The following ATL2 variants were observed in gnomAD, a reference collection of about 807,000 sequenced individuals.
ATL2 encodes the protein atlastin GTPase 2, also known as atlastin-2.
Under a neutral mutation model 73.9 loss-of-function variants are expected in ATL2, and 31 were observed. The observed-to-expected ratio is 0.42, with a 90% CI of 0.32 to 0.57. The LOEUF (loss-of-function observed/expected upper bound fraction) is 0.57, where lower values mean the gene tolerates loss of function less well. ATL2 is among the 20% of genes least tolerant of loss of function. ATL2 has a pLI of 0.14. For missense variants in ATL2, 738 were observed against 702.6 expected (o/e 1.05, Z -0.57); for synonymous variants, 291 against 237.5 (o/e 1.23, Z -2.07).
rs527512167 is a variant in ATL2, at chr2:38,295,773, T to C, written c.*221A>G. 8 of 405,132 alleles carry C rather than the reference T, an allele frequency of 2.0e-5. No individual in the cohort carries two copies. In the East Asian group the frequency reaches 2.4e-4, roughly 12 times the overall value. The allele number at this position is 405,132 out of a possible 1,614,324, so 25.1% of individuals were successfully genotyped here. On this transcript the variant is annotated 3_prime_UTR_variant, in exon 13 of 13. Coordinates refer to ENST00000378954, the MANE Select transcript of ATL2 (RefSeq NM_001135673.4). The stretch of plus-strand genomic sequence containing the variant: ...TTAAACATGGCACAAAGGTGCATGA[T>C]TAACCAATGCTCCTCAGTCCATCTG...
intron 9 of ATL2, among the ~76,000 whole-genome samples, chr2:38,307,984 G>T (rs1410812964): frequency 6.6e-6 from 1 of 151,018 alleles, no homozygotes; most frequent in Non-Finnish European, 1.5e-5. Flanking sequence ...AGAGAAAAGG[G>T]AATCTTCGTA....
chr2:38,370,826 A>C (rs1671646747), intron 1 of ATL2, among the ~76,000 whole-genome samples: 1 of 151,588 alleles, frequency 6.6e-6, no homozygotes, highest in African/African-American at 2.4e-5. Flanking sequence ...GGGTAGTGCA[A>C]GCCTGTAGAC....
intron 6 of ATL2, among the ~76,000 whole-genome samples, chr2:38,314,368 T>C (rs762768897): frequency 6.6e-6 from 1 of 152,186 alleles, no homozygotes; most frequent in Non-Finnish European, 1.5e-5. Context: ...AAGAGAAACA[T>C]TACTCCCCTT....
intron 2 of ATL2, among the ~76,000 whole-genome samples, chr2:38,335,763 C>T (rs776056923): frequency 5.3e-5 from 8 of 152,088 alleles, no homozygotes; most frequent in Non-Finnish European, 7.4e-5. Flanking sequence ...AATAATAGGC[C>T]GGGCGCGGTG....
chr2:38,366,975 CCAAA>C (rs911587546), intron 1 of ATL2, among the ~76,000 whole-genome samples: 2 of 152,066 alleles, frequency 1.3e-5, no homozygotes, highest in African/African-American at 4.8e-5. Context: ...TTAGTACATG[CCAAA>C]CACTTTAAGA....
intron 1 of ATL2, among the ~76,000 whole-genome samples, chr2:38,355,289 G>A (rs1260187621): frequency 6.6e-6 from 1 of 152,062 alleles, no homozygotes. Context: ...ACCATGCCCA[G>A]CTAACTTCTG....
chr2:38,341,661 T>C (rs532794044), intron 2 of ATL2, among the ~76,000 whole-genome samples: 2 of 152,244 alleles, frequency 1.3e-5, no homozygotes, highest in South Asian at 2.1e-4. Flanking sequence ...TCTCAATCAA[T>C]GAGACAAACT....
chr2:38,345,043 C>T (rs1669942452), intron 1 of ATL2, among the ~76,000 whole-genome samples: 1 of 152,134 alleles, frequency 6.6e-6, no homozygotes. Flanking sequence ...AAAAAAAACA[C>T]CTAGCTTCAG....
intron 1 of ATL2, among the ~76,000 whole-genome samples, chr2:38,356,027 T>C (rs531749948): frequency 2.2e-3 from 336 of 151,432 alleles, no homozygotes; most frequent in African/African-American, 7.9e-3. Context: ...CTCTAAGTAA[T>C]CAATATAATA....
chr2:38,296,186 A>G, intron 12 of ATL2, 73 bp from the exon 13 acceptor site: 1 of 1,461,290 alleles, frequency 6.8e-7, no homozygotes, highest in Non-Finnish European at 9.1e-7. Context: ...AAATAGATAT[A>G]AAAATTCAAT....
At chr2:38,347,833 C>A (rs538598470) in intron 1 of ATL2, among the ~76,000 whole-genome samples, 7 of 143,798 alleles carry the variant, frequency 4.9e-5, no homozygotes, top group African/African-American at 1.6e-4. Flanking sequence ...GTGGTGAGAT[C>A]TCGACTCACT....
chr2:38,361,214 C>A (rs568518132), intron 1 of ATL2, among the ~76,000 whole-genome samples: 3 of 151,630 alleles, frequency 2.0e-5, no homozygotes, highest in African/African-American at 7.3e-5. Context: ...ATTAGCCAGG[C>A]GTGGTGGCAC....
At chr2:38,351,349 C>T (rs922875868) in intron 1 of ATL2, among the ~76,000 whole-genome samples, 8 of 152,050 alleles carry the variant, frequency 5.3e-5, no homozygotes, top group African/African-American at 1.4e-4. Flanking sequence ...GAAATAAGGA[C>T]ACTAATTTTA....
intron 2 of ATL2, among the ~76,000 whole-genome samples, chr2:38,330,994 C>T (rs1241284538): frequency 6.6e-6 from 1 of 152,138 alleles, no homozygotes; most frequent in African/African-American, 2.4e-5. Flanking sequence ...GTGAAGACAG[C>T]GTGATACTGG....
intron 1 of ATL2, among the ~76,000 whole-genome samples, chr2:38,353,141 T>C (rs1440466832): frequency 2.0e-5 from 3 of 152,228 alleles, no homozygotes; most frequent in Non-Finnish European, 2.9e-5. Flanking sequence ...ATGACCCAGA[T>C]GCTGAATTTA....
Position 38,313,086 on chromosome 2 carries a change from C to T in ATL2, c.804+65G>A, listed in dbSNP as rs918550894. On this transcript the variant is annotated intron_variant, in intron 7 of 12. Transcript: ENST00000378954. ...AATACTGGTAATGTGACCAGCAGTC[C>T]GGACAGCCCACCCGTTTGCCTAGCT... 49 of 1,155,448 alleles carry T rather than the reference C, an allele frequency of 4.2e-5. 1 individual carries two copies. Among genetic ancestry groups the T allele is most frequent in the South Asian group, 2.6e-4 (19 of 74,320 alleles). 71.6% of individuals were successfully genotyped at this position (1,155,448 alleles called of 1,614,324 possible). A position where few individuals can be genotyped will look rare whatever the true frequency, so the allele number is the denominator to read the frequency against.
chr2:38,320,627 G>T (rs1269999108), intron 2 of ATL2, among the ~76,000 whole-genome samples: 2 of 152,152 alleles, frequency 1.3e-5, no homozygotes, highest in African/African-American at 4.8e-5. Context: ...CAGACGTCAA[G>T]ATCCCTAAAG....
intron 2 of ATL2, among the ~76,000 whole-genome samples, chr2:38,336,026 A>G (rs1669340822): frequency 6.6e-6 from 1 of 152,248 alleles, no homozygotes; most frequent in Non-Finnish European, 1.5e-5. Flanking sequence ...TAAATACATA[A>G]ATACATAAAT....
At chr2:38,377,589 C>G (rs569805647), upstream of ATL2, among the ~76,000 whole-genome samples, 11 of 152,268 alleles carry the variant, frequency 7.2e-5, no homozygotes, top group East Asian at 1.9e-4. Flanking sequence ...CACCACACCC[C>G]CTTAGCGCTG....
Sources: allele counts gnomAD v4.1 joint callset (sites outside exome capture counted in the v4.1 genomes callset), GRCh38; gene constraint gnomAD v4.1.1; transcripts MANE v1.5; gene names NCBI Gene and HGNC (gene_info 2026-07-23, HGNC 2026-07-21).